IFT57: variants seen among roughly 807,000 people sequenced by gnomAD.
IFT57 encodes intraflagellar transport 57, also known as intraflagellar transport protein 57 homolog.
IFT57 carries 59 observed loss-of-function variants against 56.8 expected under a neutral mutation model. The ratio of observed to expected loss-of-function variants is 1.04; its 90% confidence interval spans 0.84 to 1.29. IFT57 has a LOEUF of 1.29. Ranked by LOEUF, IFT57 falls within the 50% of genes most tolerant of loss-of-function variation. The pLI is 0.00. For synonymous variants in IFT57, 209 were observed against 186.1 expected (o/e 1.12, Z -1.00); for missense variants, 470 against 522.1 (o/e 0.90, Z 0.97).
At chr3:108,207,810 G>C (rs888480209) in intron 4 of IFT57, among the ~76,000 whole-genome samples, 8 of 152,122 alleles carry the variant, frequency 5.3e-5, no homozygotes, top group African/African-American at 1.7e-4. Context: ...TTGGGAGGCC[G>C]AGGCAGGCGG....
intron 6 of IFT57, among the ~76,000 whole-genome samples, chr3:108,171,654 G>A (rs77927280): frequency 0.019 from 2,909 of 151,860 alleles, 46 homozygotes; most frequent in Middle Eastern, 0.034. Flanking sequence ...ATCAACACTG[G>A]AATAGAGAGG....
At chr3:108,184,280 TA>T (rs1206215890) in intron 6 of IFT57, among the ~76,000 whole-genome samples, 1 of 152,130 alleles carries the variant, frequency 6.6e-6, no homozygotes, top group Non-Finnish European at 1.5e-5. Flanking sequence ...ATAACCACCC[TA>T]GAAGTGCAGC....
At chr3:108,179,723 A>G (rs2080142267) in intron 6 of IFT57, among the ~76,000 whole-genome samples, 1 of 152,020 alleles carries the variant, frequency 6.6e-6, no homozygotes, top group Non-Finnish European at 1.5e-5. Flanking sequence ...AGATTGAATA[A>G]CTTTTCTAAT....
chr3:108,179,945 G>A (rs2080143469), intron 6 of IFT57, among the ~76,000 whole-genome samples: 1 of 151,932 alleles, frequency 6.6e-6, no homozygotes, highest in African/African-American at 2.4e-5. Flanking sequence ...TGGTGTATTT[G>A]TTGCAGGCAA....
At chr3:108,181,628 A>G (rs1240886233) in intron 6 of IFT57, among the ~76,000 whole-genome samples, 4 of 152,120 alleles carry the variant, frequency 2.6e-5, no homozygotes, top group Non-Finnish European at 5.9e-5. Flanking sequence ...TTTTGATTAT[A>G]GCAGGTGTTT....
At chr3:108,217,858 C>T (rs1287628387) in intron 3 of IFT57, among the ~76,000 whole-genome samples, 1 of 151,780 alleles carries the variant, frequency 6.6e-6, no homozygotes, top group Non-Finnish European at 1.5e-5. Flanking sequence ...AATTGAGTTT[C>T]CAAATGTTCT....
intron 6 of IFT57, among the ~76,000 whole-genome samples, chr3:108,176,298 C>T (rs1245737578): frequency 6.6e-6 from 1 of 151,856 alleles, no homozygotes; most frequent in Non-Finnish European, 1.5e-5. Flanking sequence ...TTCAAGATCA[C>T]TCTAACGTAT....
chr3:108,188,737 C>T (rs1267572156), intron 6 of IFT57, among the ~76,000 whole-genome samples: 2 of 152,150 alleles, frequency 1.3e-5, no homozygotes, highest in East Asian at 3.8e-4. Context: ...TTTAAAAACT[C>T]AGGATTTTGA....
chr3:108,219,323 T>C, intron 2 of IFT57, 87 bp downstream of exon 2: 2 of 1,108,536 alleles, frequency 1.8e-6, no homozygotes, highest in Non-Finnish European at 1.4e-6. Flanking sequence ...AGAGGAGTCA[T>C]CTAAATGGCT....
chr3:108,166,437 A>G (rs1030047216), intron 8 of IFT57, among the ~76,000 whole-genome samples: 1 of 151,340 alleles, frequency 6.6e-6, no homozygotes, highest in Non-Finnish European at 1.5e-5. Flanking sequence ...ATTCCTTATT[A>G]TGTGGTTGTA....
In IFT57 at chr3:108,165,499, AG is replaced by A; in HGVS notation, c.982-7del. Reference sequence around the variant, plus strand: ...TGCTGGTATCGCTCCTTTGCCTGAGAGGAAAAACATTTTGTTTAATGGCAAA... The same window carrying A: ...TGCTGGTATCGCTCCTTTGCCTGAGAGAAAAACATTTTGTTTAATGGCAAA... On this transcript the variant is annotated splice_region_variant and splice_polypyrimidine_tract_variant and intron_variant, in intron 8 of 10. Coordinates refer to ENST00000264538, the MANE Select transcript of IFT57 (RefSeq NM_018010.4). 6.2e-7 allele frequency: 1 copy of A among 1,611,652 alleles called. No homozygotes were observed. The highest frequency in any genetic ancestry group is 8.5e-7 in the Non-Finnish European group (1 of 1,178,204).
intron 6 of IFT57, 116 bp from the exon 7 acceptor site, chr3:108,167,980 A>T: frequency 1.7e-6 from 1 of 598,362 alleles, no homozygotes; most frequent in Non-Finnish European, 2.8e-6. Flanking sequence ...TTCAGGTGGG[A>T]TAGCCCTATT....
chr3:108,174,541 T>C (rs1286647775), intron 6 of IFT57, among the ~76,000 whole-genome samples: 1 of 151,620 alleles, frequency 6.6e-6, no homozygotes, highest in African/African-American at 2.4e-5. Flanking sequence ...TAAATAGATA[T>C]TGTCATCTCT....
At chr3:108,175,201 A>G (rs543998884) in intron 6 of IFT57, among the ~76,000 whole-genome samples, 5 of 151,830 alleles carry the variant, frequency 3.3e-5, no homozygotes, top group Non-Finnish European at 7.4e-5. Context: ...TAACGTGTTC[A>G]TTAGGCATCA....
At chr3:108,169,969 C>T (rs914730626) in intron 6 of IFT57, among the ~76,000 whole-genome samples, 4 of 151,978 alleles carry the variant, frequency 2.6e-5, no homozygotes, top group African/African-American at 9.7e-5. Context: ...TAAAAACTCT[C>T]AATAAACTTG....
intron 5 of IFT57, among the ~76,000 whole-genome samples, chr3:108,195,665 G>C (rs1244684666): frequency 6.6e-6 from 1 of 152,142 alleles, no homozygotes; most frequent in East Asian, 1.9e-4. Context: ...TTTGTCATTT[G>C]TAGCAACATG....
chr3:108,221,689 C>T (rs2080406260), intron 1 of IFT57, among the ~76,000 whole-genome samples: 1 of 149,160 alleles, frequency 6.7e-6, no homozygotes, highest in African/African-American at 2.5e-5. Flanking sequence ...GAAAAAAAGC[C>T]TTAAGTGATA....
chr3:108,202,075 G>C (rs1252505908), intron 5 of IFT57, among the ~76,000 whole-genome samples: 1 of 152,182 alleles, frequency 6.6e-6, no homozygotes, highest in Admixed American at 6.5e-5. Context: ...AGCATCTCAA[G>C]GAAGAATAGT....
At chr3:108,220,938 C>T (rs1446804349) in intron 1 of IFT57, among the ~76,000 whole-genome samples, 1 of 152,112 alleles carries the variant, frequency 6.6e-6, no homozygotes, top group East Asian at 1.9e-4. Flanking sequence ...ACCTTAAGGA[C>T]ATTTTGTTTT....
Sources: gnomAD v4.1 joint callset for allele counts (sites outside exome capture counted in the v4.1 genomes callset) on GRCh38, gnomAD v4.1.1 for gene constraint, MANE v1.5 for transcripts, NCBI Gene and HGNC (gene_info 2026-07-23, HGNC 2026-07-21) for gene names.